INTS6L: variants seen among roughly 807,000 people sequenced by gnomAD.
INTS6L encodes integrator complex subunit 6 like, also known as integrator complex subunit 6-like.
Under a neutral mutation model 64.7 loss-of-function variants are expected in INTS6L, and 18 were observed. The observed-to-expected ratio is 0.28, with a 90% CI of 0.19 to 0.41. The LOEUF (loss-of-function observed/expected upper bound fraction) is 0.41. INTS6L is among the 10% of genes least tolerant of loss of function. The probability of loss-of-function intolerance (pLI) is 1.00; values close to 1 mark genes in which losing one functional copy is unlikely to be tolerated. For missense variants in INTS6L, 533 were observed against 661.0 expected, an observed-to-expected ratio of 0.81 and a Z score of 2.12; for synonymous variants, 227 against 235.9, an observed-to-expected ratio of 0.96 and a Z score of 0.34.
chrX:135,538,158 T>C (rs1344961108), intron 2 of INTS6L, among the ~76,000 whole-genome samples: 1 of 112,399 alleles, frequency 8.9e-6, no homozygotes, highest in East Asian at 2.8e-4. Context: ...ATGCAGTGCT[T>C]TTTGATAACA....
chrX:135,580,855 C>T (rs1216214893), intron 16 of INTS6L, among the ~76,000 whole-genome samples, 195 bp from the exon 17 acceptor site: 17 of 112,720 alleles, frequency 1.5e-4, no homozygotes, highest in African/African-American at 5.2e-4. Flanking sequence ...AGCTGCTATT[C>T]AGCCTGCTAC....
rs1476434057 is a variant in INTS6L at position 135,520,770 on chromosome X, C to T, written c.-223C>T. On this transcript the variant is annotated 5_prime_UTR_variant, in exon 1 of 18. Coordinates refer to ENST00000639893, the MANE Select transcript of INTS6L (RefSeq NM_001351601.3). The stretch of plus-strand genomic sequence containing the variant: ...GGAAGGGGGAGGGCCCCGAGGGCTA[C>T]ACACGCTCACACTTTCAAGTTCCCT... 1.0e-5 allele frequency: 4 copies of T among 393,498 alleles called. No homozygotes were observed. Among genetic ancestry groups the T allele is most frequent in the Non-Finnish European group, 1.8e-5 (4 of 226,666 alleles). 32.4% of individuals were successfully genotyped at this position (393,498 alleles called of 1,213,427 possible).
intron 2 of INTS6L, among the ~76,000 whole-genome samples, chrX:135,543,332 C>G (rs1556513607): frequency 9.0e-6 from 1 of 111,632 alleles, no homozygotes; most frequent in Non-Finnish European, 1.9e-5. Context: ...GCCATGTGCC[C>G]AGAGCAATGA....
intron 11 of INTS6L, chrX:135,570,782 C>G (rs1361046671): frequency 4.5e-5 from 15 of 336,026 alleles, no homozygotes; most frequent in Non-Finnish European, 6.6e-5. Context: ...TTTGTCCTAC[C>G]CGCAAGCTGG....
At chrX:135,526,659 G>A (rs1556501361) in intron 2 of INTS6L, among the ~76,000 whole-genome samples, 1 of 111,886 alleles carries the variant, frequency 8.9e-6, no homozygotes, top group African/African-American at 3.3e-5. Flanking sequence ...ATAGCATTTA[G>A]CATGTTATAT....
chrX:135,575,542 G>T (rs782309524), intron 14 of INTS6L, among the ~76,000 whole-genome samples: 1 of 112,062 alleles, frequency 8.9e-6, no homozygotes, highest in Admixed American at 9.4e-5. Flanking sequence ...GTGGTCAAAC[G>T]CCTTACCTGT....
chrX:135,568,182 G>T (rs782594426), intron 9 of INTS6L, among the ~76,000 whole-genome samples: 1 of 111,200 alleles, frequency 9.0e-6, no homozygotes, highest in East Asian at 2.8e-4. Context: ...CACTTGGAAG[G>T]AAATAATGAG....
intron 8 of INTS6L, among the ~76,000 whole-genome samples, chrX:135,555,902 T>G (rs1300709152): frequency 9.0e-6 from 1 of 111,688 alleles, no homozygotes; most frequent in Non-Finnish European, 1.9e-5. Flanking sequence ...TCTCCCAGGC[T>G]GGTCTCAAAC....
chrX:135,552,030 T>C lies in INTS6L; in HGVS notation c.943T>C (p.Cys315Arg), dbSNP rs1346588785. 4 of 1,203,231 alleles carry C rather than the reference T, an allele frequency of 3.3e-6. No individual in the cohort carries two copies. Among genetic ancestry groups the C allele is most frequent in the Non-Finnish European group, 3.4e-6 (3 of 892,941 alleles). Reference sequence around the variant, plus strand: ...ATCTCATCCTGTTGTGAGGTTCTCCTGTGTAGATTGTGAGCCAATGGTAAT... The same window carrying C: ...ATCTCATCCTGTTGTGAGGTTCTCCCGTGTAGATTGTGAGCCAATGGTAAT... ...RTSHPVVRFSCVDCEPMVIDK... is the reference protein window; with the variant it reads ...RTSHPVVRFSRVDCEPMVIDK... Residue 315 changes from cysteine to arginine, a missense_variant, in exon 8 of 18, where the codon TGT becomes CGT. Transcript: ENST00000639893.
intron 8 of INTS6L, among the ~76,000 whole-genome samples, chrX:135,555,290 G>C (rs1238585113): frequency 1.8e-5 from 2 of 111,530 alleles, no homozygotes; most frequent in Non-Finnish European, 3.8e-5. Context: ...TATTATAACA[G>C]GTTACTCAGT....
chrX:135,537,647 T>A (rs560671180), intron 2 of INTS6L, among the ~76,000 whole-genome samples: 1 of 111,746 alleles, frequency 8.9e-6, no homozygotes, highest in South Asian at 3.8e-4. Context: ...CACACCTAAT[T>A]GTTCTGTACT....
At chrX:135,534,962 C>T (rs1409248060) in intron 2 of INTS6L, among the ~76,000 whole-genome samples, 1 of 111,031 alleles carries the variant, frequency 9.0e-6, no homozygotes, top group Non-Finnish European at 1.9e-5. Flanking sequence ...AGCCACTGCA[C>T]CCAGCCTGGC....
At position 135,549,553 on chromosome X, in the gene INTS6L, C is replaced by G. The variant is rs76399377; in HGVS notation, c.743-89C>G. The G allele has an allele frequency of 1.2e-4, 119 of 1,022,795 alleles. 1 individual carries two copies. The East Asian group carries it at 3.5e-3, about 30-fold the overall frequency. The allele number at this position is 1,022,795 out of a possible 1,213,427, so 84.3% of individuals were successfully genotyped here. On this transcript the variant is annotated intron_variant, in intron 6 of 17. Coordinates refer to ENST00000639893, the MANE Select transcript of INTS6L (RefSeq NM_001351601.3). ...ATCATTGTTCTTGTTTTATTTTGGACTTTGCTTTCAGCTGGAAAATTTGTA... is the reference window on the plus strand; with the variant it reads ...ATCATTGTTCTTGTTTTATTTTGGAGTTTGCTTTCAGCTGGAAAATTTGTA...
rs781925985 is a variant in INTS6L, at chrX:135,581,346, T to C, written c.2589-182T>C. Among the ~76,000 whole-genome samples, 3 of 112,145 alleles carry C rather than the reference T, an allele frequency of 2.7e-5. No homozygotes were observed. The Admixed American group carries it at 2.8e-4, about 11-fold the overall frequency. ...TCATCCTTCTACTTTTATCATAGCC[T>C]CAGGTAGGCTTGGGCCCTCAATTGC... On this transcript the variant is annotated intron_variant, in intron 17 of 17. Transcript: ENST00000639893.
At chrX:135,577,477 G>A (rs371257758) in intron 15 of INTS6L, 50 bp downstream of exon 15, 310 of 1,103,176 alleles carry the variant, frequency 2.8e-4, no homozygotes, top group Non-Finnish European at 3.7e-4. Flanking sequence ...GGACTAAGAC[G>A]CTAAACAATT....
chrX:135,562,379 T>G (rs1556522676), intron 9 of INTS6L, among the ~76,000 whole-genome samples: 1 of 112,438 alleles, frequency 8.9e-6, no homozygotes, highest in East Asian at 2.7e-4. Flanking sequence ...GTATTCGATA[T>G]CTACTCTTAT....
intron 9 of INTS6L, among the ~76,000 whole-genome samples, chrX:135,566,890 T>C (rs1452694207): frequency 8.9e-6 from 1 of 111,996 alleles, no homozygotes; most frequent in Non-Finnish European, 1.9e-5. Context: ...TTTAGTTCCA[T>C]ATTAAAACCA....
At chrX:135,551,069 T>A (rs1427952299) in intron 7 of INTS6L, among the ~76,000 whole-genome samples, 1 of 112,570 alleles carries the variant, frequency 8.9e-6, no homozygotes, top group Non-Finnish European at 1.9e-5. Context: ...AGAGCTATTT[T>A]TCTCAACCCC....
At chrX:135,564,546 A>T (rs2086881151) in intron 9 of INTS6L, among the ~76,000 whole-genome samples, 2 of 109,955 alleles carry the variant, frequency 1.8e-5, no homozygotes, top group Admixed American at 1.9e-4. Flanking sequence ...AGCCTGGCCA[A>T]CATGGTGAAA....
Sources: allele counts gnomAD v4.1 joint callset (sites outside exome capture counted in the v4.1 genomes callset), GRCh38; gene constraint gnomAD v4.1.1; transcripts MANE v1.5; gene names NCBI Gene and HGNC (gene_info 2026-07-23, HGNC 2026-07-21).